The following ENOX1 variants were observed in gnomAD, a reference collection of about 807,000 sequenced individuals.
The protein encoded by ENOX1 is candidate growth-related and time keeping constitutive hydroquinone (NADH) oxidase.
ENOX1 carries 42 observed loss-of-function variants against 82.5 expected under a neutral mutation model. That is an observed-to-expected ratio of 0.51 (90% CI 0.40 to 0.66). The LOEUF (loss-of-function observed/expected upper bound fraction) is 0.66, where lower values mean the gene tolerates loss of function less well. Ranked by LOEUF, ENOX1 falls within the 30% of genes least tolerant of loss-of-function variation. The pLI is 0.00. For missense variants in ENOX1, 608 were observed against 811.6 expected (o/e 0.75, Z 3.05); for synonymous variants, 271 against 282.2 (o/e 0.96, Z 0.40).
chr13:43,616,718 G>A (rs984710392), intron 2 of ENOX1, among the ~76,000 whole-genome samples: 10 of 151,774 alleles, frequency 6.6e-5, no homozygotes, highest in East Asian at 1.9e-4. Flanking sequence ...CAAATATATC[G>A]TTTGTTGACA....
intron 5 of ENOX1, among the ~76,000 whole-genome samples, chr13:43,388,891 TA>T (rs2153580412): frequency 6.6e-6 from 1 of 152,170 alleles, no homozygotes; most frequent in African/African-American, 2.4e-5. Flanking sequence ...ACTGCCTAAT[TA>T]TTAACTAGCA....
chr13:43,437,122 A>G (rs2056078377), intron 3 of ENOX1, among the ~76,000 whole-genome samples: 1 of 152,232 alleles, frequency 6.6e-6, no homozygotes, highest in African/African-American at 2.4e-5. Context: ...AAAGTCTTCA[A>G]AAGAAGAACA....
chr13:43,310,108 C>G (rs945285992), intron 11 of ENOX1, among the ~76,000 whole-genome samples: 5 of 68,936 alleles, frequency 7.3e-5, no homozygotes, highest in African/African-American at 2.4e-4. Flanking sequence ...GAGGCTGAGG[C>G]AGGAGAATCG....
Position 43,649,183 on chromosome 13 carries a change from A to C in ENOX1, c.-219+18296T>G, listed in dbSNP as rs542938223. Among the ~76,000 whole-genome samples, 16 of 152,354 alleles carry C rather than the reference A, an allele frequency of 1.1e-4. No homozygotes were observed. In the East Asian group the frequency reaches 2.9e-3, roughly 28 times the overall value. ...TCTAATATCTATGGGAAAATAGTAC[A>C]AACAACTTCAATTTTTATTCAGGTT... On this transcript the variant is annotated intron_variant, in intron 2 of 16. Coordinates refer to ENST00000690772, the MANE Select transcript of ENOX1 (RefSeq NM_001347969.2).
intron 3 of ENOX1, among the ~76,000 whole-genome samples, chr13:43,477,145 G>A (rs982139926): frequency 6.7e-6 from 1 of 149,768 alleles, no homozygotes; most frequent in African/African-American, 2.4e-5. Context: ...ATATATATGT[G>A]TGTATACATA....
At chr13:43,356,194 T>C in intron 7 of ENOX1, 42 bp from the exon 8 acceptor site, 6 of 1,589,704 alleles carry the variant, frequency 3.8e-6, no homozygotes, top group Non-Finnish European at 5.2e-6. Context: ...AATGTAACAA[T>C]GGCCACAGTT....
chr13:43,504,399 G>A, intron 2 of ENOX1, among the ~76,000 whole-genome samples: 1 of 151,666 alleles, frequency 6.6e-6, no homozygotes, highest in Non-Finnish European at 1.5e-5. Flanking sequence ...TTCACAATAG[G>A]CAAGATATAG....
At chr13:43,641,866 G>A (rs1055305256) in intron 2 of ENOX1, among the ~76,000 whole-genome samples, 7 of 151,952 alleles carry the variant, frequency 4.6e-5, no homozygotes, top group Non-Finnish European at 7.4e-5. Flanking sequence ...AGTCTCATGC[G>A]TCTATCAAGA....
chr13:43,785,638 C>A (rs1358022240), intron 1 of ENOX1, among the ~76,000 whole-genome samples: 1 of 152,132 alleles, frequency 6.6e-6, no homozygotes, highest in East Asian at 1.9e-4. Context: ...GGTGAAGAAG[C>A]GTGGCTCAGT....
intron 2 of ENOX1, among the ~76,000 whole-genome samples, chr13:43,531,329 A>G (rs2078202665): frequency 6.6e-6 from 1 of 152,168 alleles, no homozygotes; most frequent in Non-Finnish European, 1.5e-5. Flanking sequence ...AAAAATGCTC[A>G]TCATCACTGG....
chr13:43,527,935 C>G (rs2078051669), intron 2 of ENOX1, among the ~76,000 whole-genome samples: 1 of 151,992 alleles, frequency 6.6e-6, no homozygotes, highest in Non-Finnish European at 1.5e-5. Context: ...TTTGGAAAAC[C>G]ATAAAATTAT....
At chr13:43,637,241 TA>T (rs1371926821) in intron 2 of ENOX1, among the ~76,000 whole-genome samples, 1 of 152,190 alleles carries the variant, frequency 6.6e-6, no homozygotes, top group African/African-American at 2.4e-5. Flanking sequence ...ACTCATAGCT[TA>T]GATTTAGTCA....
chr13:43,612,260 T>C (rs1299705190), intron 2 of ENOX1, among the ~76,000 whole-genome samples: 1 of 151,996 alleles, frequency 6.6e-6, no homozygotes, highest in Non-Finnish European at 1.5e-5. Flanking sequence ...GCCAACAGAG[T>C]AGATCTCACA....
intron 2 of ENOX1, among the ~76,000 whole-genome samples, chr13:43,508,648 T>C (rs1347090401): frequency 5.3e-5 from 8 of 152,002 alleles, no homozygotes; most frequent in African/African-American, 4.8e-5. Flanking sequence ...ATTTTAGCAA[T>C]GGGGAGCTGC....
intron 1 of ENOX1, among the ~76,000 whole-genome samples, chr13:43,772,897 A>C (rs1796047245): frequency 6.6e-6 from 1 of 152,206 alleles, no homozygotes; most frequent in African/African-American, 2.4e-5. Flanking sequence ...TATAATTTTA[A>C]AAACAACCTA....
In ENOX1 at chr13:43,220,068, CAAAGGGAGGGGAG is replaced by C. The variant is rs1223331150; in HGVS notation, c.1800+3972_1800+3984del. On this transcript the variant is annotated intron_variant, in intron 16 of 16. Transcript: ENST00000690772. ...AGAGAAATACAAAATGTAGATGGGGCAAAGGGAGGGGAGGAAGGAAGGGAGAAAGAAGGAAAAG... is the reference window on the plus strand; with the variant it reads ...AGAGAAATACAAAATGTAGATGGGGCGAAGGAAGGGAGAAAGAAGGAAAAG... Among the ~76,000 whole-genome samples, 3 of 150,652 alleles carry C rather than the reference CAAAGGGAGGGGAG, an allele frequency of 2.0e-5. No homozygotes were observed. In the South Asian group the frequency reaches 6.3e-4, roughly 32 times the overall value.
intron 2 of ENOX1, among the ~76,000 whole-genome samples, chr13:43,650,567 G>T (rs540281453): frequency 3.9e-5 from 6 of 152,262 alleles, no homozygotes; most frequent in Admixed American, 3.3e-4. Context: ...GCCGCGCATG[G>T]TGGCCTCACT....
intron 1 of ENOX1, among the ~76,000 whole-genome samples, chr13:43,754,323 GTATA>G (rs3044245): frequency 0.011 from 1,590 of 141,908 alleles, 30 homozygotes; most frequent in African/African-American, 0.037. Context: ...GTGTGTGTGT[GTATA>G]TATATATATA....
chr13:43,754,335 ATATTAT>A (rs1228677794), intron 1 of ENOX1, among the ~76,000 whole-genome samples: 1 of 143,426 alleles, frequency 7.0e-6, no homozygotes, highest in African/African-American at 2.6e-5. Context: ...ATATATATAT[ATATTAT>A]TATTATTATT....
Sources: allele counts gnomAD v4.1 joint callset (sites outside exome capture counted in the v4.1 genomes callset), GRCh38; gene constraint gnomAD v4.1.1; transcripts MANE v1.5; gene names NCBI Gene and HGNC (gene_info 2026-07-23, HGNC 2026-07-21).